Variants in DIAPH2 observed in about 807,000 individuals in gnomAD.
DIAPH2 encodes the protein protein diaphanous homolog 2.
In DIAPH2, 35 loss-of-function variants were observed where a neutral mutation model predicts 92.7. The ratio of observed to expected loss-of-function variants is 0.38; its 90% CI spans 0.29 to 0.50. The LOEUF is 0.50. Among genes scored for constraint, DIAPH2 ranks in the 20% least tolerant of loss-of-function variants. The pLI, the probability that DIAPH2 is intolerant of heterozygous loss-of-function variation, is 0.94. For synonymous variants in DIAPH2, 301 were observed against 280.4 expected (o/e 1.07, Z -0.73); for missense variants, 701 against 819.5 (o/e 0.86, Z 1.77).
intron 17 of DIAPH2, among the ~76,000 whole-genome samples, chrX:96,984,637 A>G (rs2066019405): frequency 9.0e-6 from 1 of 111,379 alleles, no homozygotes; most frequent in East Asian, 2.8e-4. Flanking sequence ...GAATTGCAAC[A>G]AATATATATA....
At chrX:97,563,546 T>TA (rs1461231805) in intron 26 of DIAPH2, among the ~76,000 whole-genome samples, 1 of 111,438 alleles carries the variant, frequency 9.0e-6, no homozygotes, top group East Asian at 2.8e-4. Flanking sequence ...GAGGCCTCAA[T>TA]AAAAAAATTA....
intron 21 of DIAPH2, among the ~76,000 whole-genome samples, chrX:97,119,217 G>C (rs375563583): frequency 9.0e-5 from 10 of 111,208 alleles, no homozygotes; most frequent in African/African-American, 3.3e-4. Context: ...GCTGAAGGCT[G>C]TTGTTCAGAT....
intron 25 of DIAPH2, among the ~76,000 whole-genome samples, chrX:97,391,410 T>C (rs994318061): frequency 2.7e-5 from 3 of 111,704 alleles, no homozygotes; most frequent in Non-Finnish European, 3.8e-5. Context: ...TGTAATCTTC[T>C]CTTCCACCGA....
intron 25 of DIAPH2, among the ~76,000 whole-genome samples, chrX:97,424,773 C>T (rs2070044534): frequency 9.1e-6 from 1 of 110,316 alleles, no homozygotes; most frequent in Non-Finnish European, 1.9e-5. Flanking sequence ...CATGCCACCA[C>T]ACCCAGCTAT....
chrX:97,262,059 G>GT (rs921206786), intron 23 of DIAPH2, among the ~76,000 whole-genome samples: 1 of 80,454 alleles, frequency 1.2e-5, no homozygotes, highest in Admixed American at 1.7e-4. Context: ...GCCAAACCCT[G>GT]TTTTTTTCAG....
At chrX:96,795,549 G>A (rs1166552286) in intron 4 of DIAPH2, among the ~76,000 whole-genome samples, 4 of 111,778 alleles carry the variant, frequency 3.6e-5, no homozygotes, top group Admixed American at 1.9e-4. Context: ...GAGGCACAGC[G>A]AAATCCCCAA....
At chrX:97,334,682 CA>C (rs199625011) in intron 23 of DIAPH2, among the ~76,000 whole-genome samples, 2 of 98,584 alleles carry the variant, frequency 2.0e-5, no homozygotes, top group Admixed American at 1.1e-4. Flanking sequence ...AAAAACAAAA[CA>C]AAACAAAAAA....
chrX:96,739,172 A>G (rs853537), intron 3 of DIAPH2, among the ~76,000 whole-genome samples: 2 of 111,539 alleles, frequency 1.8e-5, no homozygotes, highest in Non-Finnish European at 3.8e-5. Flanking sequence ...GAGAGTAACA[A>G]TAGAAGGGAC....
intron 17 of DIAPH2, among the ~76,000 whole-genome samples, chrX:97,038,826 T>G (rs1328905057): frequency 8.9e-6 from 1 of 111,801 alleles, no homozygotes; most frequent in African/African-American, 3.2e-5. Flanking sequence ...TCTTGCTGAT[T>G]TATTTACTAA....
At chrX:97,466,205 G>C (rs747254663) in intron 26 of DIAPH2, among the ~76,000 whole-genome samples, 2 of 111,874 alleles carry the variant, frequency 1.8e-5, no homozygotes, top group African/African-American at 6.5e-5. Context: ...AAAAGGCTGT[G>C]AGGCCTACTG....
At chrX:97,314,296 C>A (rs1039497175) in intron 23 of DIAPH2, among the ~76,000 whole-genome samples, 1 of 109,029 alleles carries the variant, frequency 9.2e-6, no homozygotes, top group African/African-American at 3.3e-5. Context: ...CCTGTAGTCC[C>A]AGCTACTCGG....
chrX:97,323,062 G>A (rs1261736929), intron 23 of DIAPH2, among the ~76,000 whole-genome samples: 1 of 105,757 alleles, frequency 9.5e-6, no homozygotes, highest in Non-Finnish European at 1.9e-5. Context: ...CTGCCACCAC[G>A]CCCGGCTAAT....
intron 26 of DIAPH2, among the ~76,000 whole-genome samples, chrX:97,578,219 T>A (rs1431476532): frequency 9.4e-6 from 1 of 106,329 alleles, no homozygotes; most frequent in African/African-American, 3.4e-5. Flanking sequence ...GTGCACATTG[T>A]GCAGGTTAGT....
intron 1 of DIAPH2, among the ~76,000 whole-genome samples, chrX:96,705,375 G>A (rs1378297964): frequency 9.0e-6 from 1 of 111,560 alleles, no homozygotes; most frequent in African/African-American, 3.3e-5. Context: ...AAAGAAAAAA[G>A]AAGTTTGTGG....
At chrX:97,242,061 G>A (rs1324985323) in intron 22 of DIAPH2, among the ~76,000 whole-genome samples, 2 of 110,929 alleles carry the variant, frequency 1.8e-5, no homozygotes, top group Admixed American at 9.6e-5. Flanking sequence ...GGCGTGAGCC[G>A]CCACACCTGG....
chrX:97,332,048 G>T (rs1247469619), intron 23 of DIAPH2, among the ~76,000 whole-genome samples: 1 of 111,816 alleles, frequency 8.9e-6, no homozygotes, highest in Non-Finnish European at 1.9e-5. Context: ...CTGTTTTAGA[G>T]ATCATAAGAC....
At position 97,439,564 on chromosome X, in the gene DIAPH2, C is replaced by T. The variant is rs1412701010; in HGVS notation, c.3241+9819C>T. 1.1e-3 allele frequency among the ~76,000 whole-genome samples: 114 copies of T among 105,131 alleles called. 1 individual carries two copies. The highest frequency in any genetic ancestry group is 3.7e-3 in the African/African-American group (106 of 28,814). The allele number at this position is 105,131 out of a possible 115,157, so 91.3% of individuals were successfully genotyped here. The stretch of plus-strand genomic sequence containing the variant: ...CAGCCTGAGCGACAGGGCGAGACTC[C>T]GTCTCAAAAAAAAAAAAAGAAAAGA... On this transcript the variant is annotated intron_variant, in intron 26 of 26. Coordinates refer to ENST00000324765, the MANE Select transcript of DIAPH2 (RefSeq NM_006729.5).
At chrX:97,551,520 G>T (rs1253218258) in intron 26 of DIAPH2, among the ~76,000 whole-genome samples, 1 of 108,573 alleles carries the variant, frequency 9.2e-6, no homozygotes, top group East Asian at 2.9e-4. Context: ...AACCCGGGAG[G>T]TGGAGGTTGT....
At chrX:97,413,217 T>G (rs770900714) in intron 25 of DIAPH2, among the ~76,000 whole-genome samples, 9 of 111,280 alleles carry the variant, frequency 8.1e-5, no homozygotes, top group African/African-American at 2.6e-4. Context: ...ATGATCAAGT[T>G]GGCTTCATCC....
Sources: allele counts gnomAD v4.1 joint callset (sites outside exome capture counted in the v4.1 genomes callset), GRCh38; gene constraint gnomAD v4.1.1; transcripts MANE v1.5; gene names NCBI Gene and HGNC (gene_info 2026-07-23, HGNC 2026-07-21).